DGKI: variants seen among roughly 807,000 people sequenced by gnomAD.
DGKI encodes the protein diacylglycerol kinase iota, also known as DAG kinase iota.
Under a neutral mutation model 147.5 loss-of-function variants are expected in DGKI, and 55 were observed. That is an observed-to-expected ratio of 0.37 (90% CI 0.30 to 0.47). The LOEUF (loss-of-function observed/expected upper bound fraction) is 0.47. Among genes scored for constraint, DGKI ranks in the 20% least tolerant of loss-of-function variants. The pLI, the probability that DGKI is intolerant of heterozygous loss-of-function variation, is 1.00. For synonymous variants in DGKI, 469 were observed against 477.1 expected, an observed-to-expected ratio of 0.98 and a Z score of 0.22; for missense variants, 1,007 against 1,323.8, an observed-to-expected ratio of 0.76 and a Z score of 3.71.
At chr7:137,653,306 T>C (rs890160660) in intron 5 of DGKI, among the ~76,000 whole-genome samples, 6 of 152,258 alleles carry the variant, frequency 3.9e-5, no homozygotes, top group Admixed American at 3.9e-4. Flanking sequence ...CCTAGATTAC[T>C]AGCATGGCTT....
chr7:137,612,221 C>CTTTTTTT (rs551204704), intron 8 of DGKI, among the ~76,000 whole-genome samples: 2 of 113,956 alleles, frequency 1.8e-5, no homozygotes, highest in African/African-American at 3.5e-5. Flanking sequence ...ACAAAACGGG[C>CTTTTTTT]TTTTTTTTTT....
intron 1 of DGKI, among the ~76,000 whole-genome samples, chr7:137,761,446 A>G (rs891009501): frequency 8.5e-5 from 13 of 152,234 alleles, no homozygotes; most frequent in African/African-American, 3.1e-4. Flanking sequence ...TGGTGATTAA[A>G]TAAGACAACA....
At chr7:137,450,328 C>T (rs1257933402) in intron 27 of DGKI, among the ~76,000 whole-genome samples, 7 of 152,170 alleles carry the variant, frequency 4.6e-5, no homozygotes, top group East Asian at 3.8e-4. Flanking sequence ...GTAATGCATA[C>T]GTTAATTAGC....
At chr7:137,574,967 C>T (rs952059981) in intron 17 of DGKI, among the ~76,000 whole-genome samples, 6 of 152,222 alleles carry the variant, frequency 3.9e-5, no homozygotes. Flanking sequence ...CATCTAATCA[C>T]TCTCACTAAC....
In DGKI at chr7:137,517,323, GAAAGAAAGAAAGAAAGAGAA is replaced by G. The variant is rs983342046; in HGVS notation, c.2248+4523_2248+4542del. On this transcript the variant is annotated intron_variant, in intron 21 of 32. Coordinates refer to ENST00000614521, the MANE Select transcript of DGKI (RefSeq NM_001321708.2). ...AGAAAGAAAGAAAGAAAGAAAGAAA[GAAAGAAAGAAAGAAAGAGAA>G]AGAAAGAAAGAAGGAAAGAAAGAGG... Among the ~76,000 whole-genome samples the G allele has an allele frequency of 4.7e-3, 469 of 99,018 alleles. 1 individual carries two copies. The highest frequency in any genetic ancestry group is 0.02 in the Middle Eastern group (3 of 148). The allele number at this position is 99,018 out of a possible 152,430, so 65.0% of individuals were successfully genotyped here.
intron 23 of DGKI, among the ~76,000 whole-genome samples, chr7:137,473,469 A>G (rs776107398): frequency 8.5e-5 from 13 of 152,138 alleles, no homozygotes; most frequent in Admixed American, 2.0e-4. Context: ...ACTGCTTTCT[A>G]GATTATCAAA....
chr7:137,782,024 A>G (rs1244227870), intron 1 of DGKI, among the ~76,000 whole-genome samples: 2 of 152,138 alleles, frequency 1.3e-5, no homozygotes, highest in East Asian at 3.9e-4. Context: ...GCATGTGGAG[A>G]CTCACACCAT....
rs150344370 is a variant in DGKI, at chr7:137,655,098, G to C, written c.682-310C>G. 4.6e-3 allele frequency among the ~76,000 whole-genome samples: 694 copies of C among 152,242 alleles called. 8 individuals carry two copies. The highest frequency in any genetic ancestry group is 0.015 in the African/African-American group (642 of 41,556). ...AAGAAAGAGCCAGAGGAAAGATACT[G>C]GCAGCTTAAACTACCCAGCTGGGTT... On this transcript the variant is annotated intron_variant, in intron 4 of 32. Coordinates refer to ENST00000614521, the MANE Select transcript of DGKI (RefSeq NM_001321708.2).
At chr7:137,450,212 T>C (rs1256913725) in intron 27 of DGKI, among the ~76,000 whole-genome samples, 1 of 152,176 alleles carries the variant, frequency 6.6e-6, no homozygotes, top group Non-Finnish European at 1.5e-5. Flanking sequence ...AGGAGATTTA[T>C]GGTATAGCAT....
chr7:137,424,134 AT>A (rs1181666682), intron 28 of DGKI, among the ~76,000 whole-genome samples: 1 of 152,346 alleles, frequency 6.6e-6, no homozygotes, highest in East Asian at 1.9e-4. Flanking sequence ...AAAAGTAAAA[AT>A]AAATCTTAAC....
intron 4 of DGKI, among the ~76,000 whole-genome samples, chr7:137,655,533 T>G (rs1322594473): frequency 6.6e-6 from 1 of 152,234 alleles, no homozygotes; most frequent in Non-Finnish European, 1.5e-5. Context: ...CAGCACTGCT[T>G]TTCTTTTAGA....
chr7:137,612,134 G>A (rs1026037954), intron 8 of DGKI, among the ~76,000 whole-genome samples: 4 of 148,580 alleles, frequency 2.7e-5, no homozygotes, highest in African/African-American at 7.5e-5. Flanking sequence ...CACAGAGTTA[G>A]AAAAACACAT....
chr7:137,717,287 C>T (rs917941610), intron 1 of DGKI, among the ~76,000 whole-genome samples: 8 of 152,064 alleles, frequency 5.3e-5, no homozygotes, highest in African/African-American at 1.9e-4. Context: ...GGCACAGACA[C>T]GCCTTTTTTG....
At chr7:137,599,721 C>A in intron 11 of DGKI, 102 bp downstream of exon 11, 1 of 1,005,406 alleles carries the variant, frequency 9.9e-7, no homozygotes, top group Non-Finnish European at 1.5e-6. Context: ...AGGTAGATGA[C>A]AGATGGTCAG....
intron 20 of DGKI, among the ~76,000 whole-genome samples, chr7:137,545,183 T>G (rs1422992504): frequency 1.3e-5 from 2 of 152,168 alleles, no homozygotes; most frequent in Non-Finnish European, 1.5e-5. Flanking sequence ...GGCCAAAGGT[T>G]GTTGGGAGAG....
At chr7:137,606,393 G>A (rs1820186837) in intron 10 of DGKI, among the ~76,000 whole-genome samples, 1 of 152,070 alleles carries the variant, frequency 6.6e-6, no homozygotes, top group African/African-American at 2.4e-5. Flanking sequence ...AAAAGCAGGT[G>A]AGTGGAATAA....
intron 27 of DGKI, among the ~76,000 whole-genome samples, chr7:137,444,931 C>T (rs1813656581): frequency 6.6e-6 from 1 of 152,068 alleles, no homozygotes; most frequent in Non-Finnish European, 1.5e-5. Flanking sequence ...ACATTATATT[C>T]AGAGTTGTTG....
chr7:137,802,745 C>A (rs3800667), intron 1 of DGKI, among the ~76,000 whole-genome samples: 1 of 152,218 alleles, frequency 6.6e-6, no homozygotes, highest in African/African-American at 2.4e-5. Flanking sequence ...CCTCTCTCCT[C>A]GAACTTCTTC....
chr7:137,577,397 TG>T, intron 16 of DGKI, 113 bp from the exon 17 acceptor site: 2 of 757,964 alleles, frequency 2.6e-6, no homozygotes, highest in Non-Finnish European at 4.4e-6. Context: ...ATTCTAAACA[TG>T]TTCTCTTTCT....
Sources: gnomAD v4.1 joint callset for allele counts (sites outside exome capture counted in the v4.1 genomes callset) on GRCh38, gnomAD v4.1.1 for gene constraint, MANE v1.5 for transcripts, NCBI Gene and HGNC (gene_info 2026-07-23, HGNC 2026-07-21) for gene names.